CDC25C: variants seen among roughly 807,000 people sequenced by gnomAD.
CDC25C encodes the protein M-phase inducer phosphatase 3.
In CDC25C, 48 loss-of-function variants were observed where a neutral mutation model predicts 52.5. The ratio of observed to expected loss-of-function variants is 0.91; its 90% CI spans 0.72 to 1.16. The LOEUF is 1.16. CDC25C is among the 50% of genes most tolerant of loss of function. The probability of loss-of-function intolerance (pLI) is 0.00; values close to 1 mark genes in which losing one functional copy is unlikely to be tolerated. For missense variants in CDC25C, 510 were observed against 566.1 expected (o/e 0.90, Z 1.01); for synonymous variants, 187 against 206.5 (o/e 0.91, Z 0.81).
At chr5:138,310,445 A>C (rs1342753805) in intron 7 of CDC25C, among the ~76,000 whole-genome samples, 2 of 152,220 alleles carry the variant, frequency 1.3e-5, no homozygotes, top group Non-Finnish European at 2.9e-5. Flanking sequence ...TCATCAGATT[A>C]CTTCAATGTT....
At chr5:138,314,197 ATG>A (rs1233068905) in intron 7 of CDC25C, among the ~76,000 whole-genome samples, 1 of 151,518 alleles carries the variant, frequency 6.6e-6, no homozygotes, top group Non-Finnish European at 1.5e-5. Flanking sequence ...AGGCTTCAAC[ATG>A]TTGGTCAGGC....
chr5:138,310,084 T>C (rs1029223301), intron 7 of CDC25C, among the ~76,000 whole-genome samples: 3 of 152,238 alleles, frequency 2.0e-5, no homozygotes, highest in African/African-American at 7.2e-5. Context: ...CTTACTTTAC[T>C]GAGTCCACCT....
intron 8 of CDC25C, 109 bp from the exon 9 acceptor site, chr5:138,290,849 G>A (rs1379155947): frequency 4.3e-6 from 3 of 693,908 alleles, no homozygotes. Context: ...TAGCTACATG[G>A]GAGGCTGAGG....
chr5:138,318,931 C>T (rs977251867), intron 7 of CDC25C, among the ~76,000 whole-genome samples: 18 of 152,292 alleles, frequency 1.2e-4, no homozygotes, highest in Middle Eastern at 3.4e-3. Context: ...AAGCAATCAA[C>T]TGTTTAAACC....
chr5:138,311,773 G>A (rs1327884057), intron 7 of CDC25C, among the ~76,000 whole-genome samples: 2 of 151,978 alleles, frequency 1.3e-5, no homozygotes, highest in African/African-American at 2.4e-5. Flanking sequence ...GGCAACCAAC[G>A]GAATAGGAAA....
intron 7 of CDC25C, among the ~76,000 whole-genome samples, chr5:138,308,526 T>C (rs1474346714): frequency 6.6e-6 from 1 of 152,198 alleles, no homozygotes; most frequent in African/African-American, 2.4e-5. Context: ...TTTACATTGC[T>C]CTTTTTTTCG....
At chr5:138,285,952 C>G in intron 13 of CDC25C, 70 bp downstream of exon 13, 2 of 1,536,464 alleles carry the variant, frequency 1.3e-6, no homozygotes. Context: ...GCAGTTTCTT[C>G]TCTGAAGGCT....
At chr5:138,287,073 T>C in intron 11 of CDC25C, 96 bp downstream of exon 11, 1 of 779,678 alleles carries the variant, frequency 1.3e-6, no homozygotes, top group Admixed American at 2.4e-5. Context: ...ATCTTTGTCC[T>C]GACTCTAGAG....
intron 7 of CDC25C, among the ~76,000 whole-genome samples, chr5:138,305,427 G>A (rs1320471659): frequency 1.3e-5 from 2 of 151,978 alleles, no homozygotes; most frequent in African/African-American, 4.8e-5. Context: ...TTAGAAATGG[G>A]GTCTTGCTCT....
At chr5:138,312,745 A>G (rs1758546071) in intron 7 of CDC25C, among the ~76,000 whole-genome samples, 1 of 152,224 alleles carries the variant, frequency 6.6e-6, no homozygotes, top group Non-Finnish European at 1.5e-5. Flanking sequence ...TCCAAGATTA[A>G]AAGAGTTCTG....
intron 2 of CDC25C, among the ~76,000 whole-genome samples, chr5:138,330,234 G>A (rs564427387): frequency 5.3e-5 from 8 of 151,750 alleles, no homozygotes; most frequent in East Asian, 1.9e-4. Context: ...TTTATTGGCC[G>A]AGGGGGATCT....
chr5:138,336,281 C>T (rs978459306), upstream of CDC25C, among the ~76,000 whole-genome samples: 2 of 151,928 alleles, frequency 1.3e-5, no homozygotes, highest in African/African-American at 2.4e-5. Context: ...TACAGATGGG[C>T]GCCACAATGC....
chr5:138,294,794 G>A (rs1408918834), intron 7 of CDC25C, among the ~76,000 whole-genome samples: 5 of 151,866 alleles, frequency 3.3e-5, no homozygotes, highest in African/African-American at 7.2e-5. Context: ...ATGAGCCACC[G>A]CGCCTGGCCC....
At chr5:138,314,990 C>T (rs371999704) in intron 7 of CDC25C, among the ~76,000 whole-genome samples, 8 of 144,824 alleles carry the variant, frequency 5.5e-5, no homozygotes, top group Middle Eastern at 7.3e-3. Context: ...TACAGCGGTG[C>T]GATCTCGGCT....
At chr5:138,298,374 G>T (rs978536701) in intron 7 of CDC25C, among the ~76,000 whole-genome samples, 4 of 152,008 alleles carry the variant, frequency 2.6e-5, no homozygotes, top group Non-Finnish European at 5.9e-5. Context: ...GACACCTAGA[G>T]AACACTCTAC....
At chr5:138,299,850 C>A (rs951493897) in intron 7 of CDC25C, among the ~76,000 whole-genome samples, 2 of 151,630 alleles carry the variant, frequency 1.3e-5, no homozygotes, top group African/African-American at 2.4e-5. Flanking sequence ...AAAAGATCAG[C>A]AAAAATCGAC....
At chr5:138,313,999 T>TTTC (rs1561701478) in intron 7 of CDC25C, among the ~76,000 whole-genome samples, 9 of 8,246 alleles carry the variant, frequency 1.1e-3, no homozygotes, top group Non-Finnish European at 1.3e-3. Context: ...TTCTTTCTTT[T>TTTC]TTTTTTTTTT....
At chr5:138,312,815 T>C (rs4835774) in intron 7 of CDC25C, among the ~76,000 whole-genome samples, 49,433 of 151,934 alleles carry the variant, frequency 0.33, 8,539 homozygotes, top group East Asian at 0.61. Context: ...CACTTGAAAA[T>C]GGTTATGATG....
At position 138,310,623 on chromosome 5, in the gene CDC25C, T is replaced by G. The variant is rs534512217; in HGVS notation, c.615+8596A>C. Among the ~76,000 whole-genome samples the G allele has an allele frequency of 5.3e-5, 8 of 152,310 alleles. 1 individual carries two copies. In the South Asian group the frequency reaches 1.7e-3, roughly 32 times the overall value. On this transcript the variant is annotated intron_variant, in intron 7 of 13. Transcript: ENST00000323760. ...TTGCTCTACATGTTTTATGTGTAAT[T>G]AACTCATTCGATCCTGACAACAACC... is the stretch of plus-strand genomic sequence containing the variant.
Sources: gnomAD v4.1 joint callset for allele counts (sites outside exome capture counted in the v4.1 genomes callset) on GRCh38, gnomAD v4.1.1 for gene constraint, MANE v1.5 for transcripts, NCBI Gene and HGNC (gene_info 2026-07-23, HGNC 2026-07-21) for gene names.